The following BBS9 variants were observed in gnomAD, a reference collection of about 807,000 sequenced individuals.
The protein encoded by BBS9 is protein PTHB1.
BBS9 carries 89 observed loss-of-function variants against 117.7 expected under a neutral mutation model. The ratio of observed to expected loss-of-function variants is 0.76; its 90% CI spans 0.64 to 0.90. The LOEUF (loss-of-function observed/expected upper bound fraction) is 0.90, where lower values mean the gene tolerates loss of function less well. Ranked by LOEUF, BBS9 falls within the 40% of genes least tolerant of loss-of-function variation. The pLI is 0.00. For missense variants in BBS9, 982 were observed against 1,042.2 expected, an observed-to-expected ratio of 0.94 and a Z score of 0.80; for synonymous variants, 379 against 370.9, an observed-to-expected ratio of 1.02 and a Z score of -0.25.
chr7:33,584,338 A>G (rs1019012906), intron 21 of BBS9, among the ~76,000 whole-genome samples: 1 of 152,020 alleles, frequency 6.6e-6, no homozygotes, highest in African/African-American at 2.4e-5. Context: ...ATCTTATTAT[A>G]CTGCTTTGAA....
chr7:33,359,466 T>C (rs964073834), intron 16 of BBS9, among the ~76,000 whole-genome samples: 7 of 152,058 alleles, frequency 4.6e-5, no homozygotes, highest in Non-Finnish European at 1.0e-4. Flanking sequence ...TTGATGTCAT[T>C]ATGCTCATCA....
chr7:33,379,353 C>T (rs1038270875), intron 17 of BBS9, among the ~76,000 whole-genome samples: 2 of 152,114 alleles, frequency 1.3e-5, no homozygotes, highest in African/African-American at 4.8e-5. Context: ...GATTGTAATA[C>T]ATTTTCACTG....
At chr7:33,519,023 C>G (rs186295896) in intron 20 of BBS9, among the ~76,000 whole-genome samples, 1 of 151,150 alleles carries the variant, frequency 6.6e-6, no homozygotes, top group Non-Finnish European at 1.5e-5. Context: ...AAATAAATAG[C>G]CATGTCTTAA....
chr7:33,202,718 G>C (rs1786100156), intron 5 of BBS9, among the ~76,000 whole-genome samples: 1 of 152,066 alleles, frequency 6.6e-6, no homozygotes, highest in Non-Finnish European at 1.5e-5. Flanking sequence ...AAGCAGCAAG[G>C]GGGAGGTCTG....
intron 21 of BBS9, among the ~76,000 whole-genome samples, chr7:33,591,290 G>C (rs1345524028): frequency 6.6e-6 from 1 of 152,038 alleles, no homozygotes; most frequent in African/African-American, 2.4e-5. Flanking sequence ...CCTGTGGGAA[G>C]CTGATTTGTT....
chr7:33,234,659 A>G (rs898005897), intron 5 of BBS9, among the ~76,000 whole-genome samples: 2 of 152,084 alleles, frequency 1.3e-5, no homozygotes, highest in Admixed American at 1.3e-4. Context: ...ATCTATCTAT[A>G]TATCTATATC....
At chr7:33,513,733 T>A (rs946029055) in intron 20 of BBS9, among the ~76,000 whole-genome samples, 9 of 152,192 alleles carry the variant, frequency 5.9e-5, no homozygotes, top group Non-Finnish European at 1.2e-4. Context: ...CATTCACATA[T>A]CCTCATAATT....
At chr7:33,469,308 T>C (rs1840647275) in intron 19 of BBS9, among the ~76,000 whole-genome samples, 1 of 152,164 alleles carries the variant, frequency 6.6e-6, no homozygotes, top group African/African-American at 2.4e-5. Flanking sequence ...TTTCCCCCTA[T>C]CTAGGAAGAA....
rs139701881 is a variant in BBS9 at position 33,213,072 on chromosome 7, C to T, written c.442+35481C>T. On this transcript the variant is annotated intron_variant, in intron 5 of 22. Coordinates refer to ENST00000242067, the MANE Select transcript of BBS9 (RefSeq NM_198428.3). Reference sequence around the variant, plus strand: ...TTCTCCGATCAGCAGGTGCTGATGCCAGCCAGGTTTGTGCCCTTCCCTTCA... The same window carrying T: ...TTCTCCGATCAGCAGGTGCTGATGCTAGCCAGGTTTGTGCCCTTCCCTTCA... Among the ~76,000 whole-genome samples, 320 of 152,308 alleles carry T rather than the reference C, an allele frequency of 2.1e-3. 1 individual carries two copies. Among genetic ancestry groups the T allele is most frequent in the African/African-American group, 7.3e-3 (303 of 41,560 alleles).
At position 33,334,825 on chromosome 7, in the gene BBS9, C is replaced by T. The variant is rs190913935; in HGVS notation, c.1017-1616C>T. Reference sequence around the variant, plus strand: ...ACAGGAGCAGCATCAGAGCCAGACTCAAGTCTCCTGCGTCCTAGTCTAGTT... The same window carrying T: ...ACAGGAGCAGCATCAGAGCCAGACTTAAGTCTCCTGCGTCCTAGTCTAGTT... On this transcript the variant is annotated intron_variant, in intron 9 of 22. Coordinates refer to ENST00000242067, the MANE Select transcript of BBS9 (RefSeq NM_198428.3). 5.0e-3 allele frequency among the ~76,000 whole-genome samples: 755 copies of T among 152,336 alleles called. 10 individuals carry two copies. Among genetic ancestry groups the T allele is most frequent in the African/African-American group, 0.017 (712 of 41,558 alleles).
chr7:33,187,233 G>A (rs989034369), intron 5 of BBS9, among the ~76,000 whole-genome samples: 8 of 152,180 alleles, frequency 5.3e-5, no homozygotes, highest in Admixed American at 1.3e-4. Flanking sequence ...TATACTTAAC[G>A]TAGTAAAATA....
chr7:33,458,001 A>G (rs181606092), intron 19 of BBS9, among the ~76,000 whole-genome samples: 70 of 152,310 alleles, frequency 4.6e-4, no homozygotes, highest in African/African-American at 1.7e-3. Flanking sequence ...CTAGTCTTTT[A>G]GCTCTGAGAC....
intron 19 of BBS9, among the ~76,000 whole-genome samples, chr7:33,400,419 T>C (rs1311478305): frequency 1.3e-5 from 2 of 152,186 alleles, no homozygotes; most frequent in Non-Finnish European, 2.9e-5. Context: ...TTCTGTTATC[T>C]ATCTTCCTGT....
intron 9 of BBS9, among the ~76,000 whole-genome samples, chr7:33,334,124 A>G (rs944644498): frequency 6.6e-6 from 1 of 152,196 alleles, no homozygotes; most frequent in Non-Finnish European, 1.5e-5. Flanking sequence ...AACTCTTCCT[A>G]TTTGAACTCA....
intron 7 of BBS9, among the ~76,000 whole-genome samples, chr7:33,269,806 C>T (rs180876851): frequency 5.3e-5 from 8 of 151,594 alleles, no homozygotes; most frequent in East Asian, 1.9e-4. Flanking sequence ...AGGCGGATCA[C>T]GAGGTCAGGA....
chr7:33,376,021 T>C (rs1349751467), intron 17 of BBS9, among the ~76,000 whole-genome samples: 3 of 152,198 alleles, frequency 2.0e-5, no homozygotes, highest in South Asian at 2.1e-4. Context: ...ATGTTTATTA[T>C]GAGTTTTACA....
chr7:33,389,695 A>T (rs1826704409), intron 19 of BBS9, among the ~76,000 whole-genome samples: 1 of 96,260 alleles, frequency 1.0e-5, no homozygotes, highest in Admixed American at 1.1e-4. Context: ...TCTAAAAAAA[A>T]AAAAAAAAAA....
intron 20 of BBS9, among the ~76,000 whole-genome samples, chr7:33,511,314 G>A (rs1478460844): frequency 6.6e-6 from 1 of 152,054 alleles, no homozygotes; most frequent in Non-Finnish European, 1.5e-5. Flanking sequence ...GAACAAGAAG[G>A]AGCAGTTTTG....
chr7:33,303,805 A>G (rs1356123217), intron 9 of BBS9, among the ~76,000 whole-genome samples: 5 of 151,778 alleles, frequency 3.3e-5, no homozygotes, highest in Non-Finnish European at 7.4e-5. Context: ...TCGCTCACTC[A>G]GTGCTCAATG....
Sources: allele counts gnomAD v4.1 joint callset (sites outside exome capture counted in the v4.1 genomes callset), GRCh38; gene constraint gnomAD v4.1.1; transcripts MANE v1.5; gene names NCBI Gene and HGNC (gene_info 2026-07-23, HGNC 2026-07-21).